Variants in UBE3C observed in about 807,000 individuals in gnomAD.
UBE3C encodes the protein ubiquitin-protein ligase E3C.
A neutral mutation model predicts 129.4 loss-of-function variants in UBE3C; 42 were observed. The ratio of observed to expected loss-of-function variants is 0.32; its 90% CI spans 0.25 to 0.42. UBE3C has a LOEUF of 0.42. Ranked by LOEUF, UBE3C falls within the 10% of genes least tolerant of loss-of-function variation. The probability of loss-of-function intolerance (pLI) is 1.00; values close to 1 mark genes in which losing one functional copy is unlikely to be tolerated. For missense variants in UBE3C, 1,049 were observed against 1,319.1 expected (o/e 0.80, Z 3.17); for synonymous variants, 510 against 492.4 (o/e 1.04, Z -0.47).
intron 1 of UBE3C, among the ~76,000 whole-genome samples, chr7:157,146,286 G>C (rs1189114651): frequency 6.6e-6 from 1 of 151,918 alleles, no homozygotes; most frequent in African/African-American, 2.4e-5. Flanking sequence ...CTGTCTCCCA[G>C]GCTGGAGTGC....
At chr7:157,265,172 G>T (rs1351929797) in intron 22 of UBE3C, among the ~76,000 whole-genome samples, 2 of 152,216 alleles carry the variant, frequency 1.3e-5, no homozygotes, top group African/African-American at 2.4e-5. Context: ...TGCTCCTGCT[G>T]CCAGGCCCAC....
chr7:157,235,611 G>A (rs895148979), intron 18 of UBE3C, among the ~76,000 whole-genome samples: 1 of 152,142 alleles, frequency 6.6e-6, no homozygotes, highest in Non-Finnish European at 1.5e-5. Flanking sequence ...GAAGATCCAG[G>A]GAAGAGAATT....
chr7:157,183,020 T>A (rs1397345609), intron 8 of UBE3C, among the ~76,000 whole-genome samples: 1 of 152,190 alleles, frequency 6.6e-6, no homozygotes, highest in African/African-American at 2.4e-5. Context: ...GTGCTGGGAT[T>A]ACAGGCTTGA....
chr7:157,265,309 A>G (rs1797046875), intron 22 of UBE3C, among the ~76,000 whole-genome samples: 1 of 152,190 alleles, frequency 6.6e-6, no homozygotes, highest in African/African-American at 2.4e-5. Context: ...TCTGTGCCTT[A>G]TTGTCTTCCT....
chr7:157,183,720 A>G (rs929425777), intron 8 of UBE3C, among the ~76,000 whole-genome samples, 158 bp from the exon 9 acceptor site: 3 of 152,246 alleles, frequency 2.0e-5, no homozygotes, highest in African/African-American at 7.2e-5. Context: ...AACGGGGACA[A>G]AATCTAAATA....
intron 8 of UBE3C, among the ~76,000 whole-genome samples, chr7:157,182,549 G>C (rs192148848): frequency 6.6e-6 from 1 of 152,158 alleles, no homozygotes; most frequent in Non-Finnish European, 1.5e-5. Flanking sequence ...AGGCCACACA[G>C]ATTATTTTAA....
At chr7:157,140,176 C>T (rs1240586734) in intron 1 of UBE3C, among the ~76,000 whole-genome samples, 1 of 152,110 alleles carries the variant, frequency 6.6e-6, no homozygotes, top group Non-Finnish European at 1.5e-5. Flanking sequence ...CTTCCCACCC[C>T]TTCCCATCAT....
intron 1 of UBE3C, among the ~76,000 whole-genome samples, chr7:157,144,404 TTGGGAGAC>T (rs1807544469): frequency 6.6e-6 from 1 of 152,048 alleles, no homozygotes; most frequent in South Asian, 2.1e-4. Flanking sequence ...TTTGTCTGTT[TTGGGAGAC>T]GGGGGAAACT....
At chr7:157,189,728 C>T (rs1396267785) in intron 10 of UBE3C, among the ~76,000 whole-genome samples, 2 of 151,164 alleles carry the variant, frequency 1.3e-5, no homozygotes, top group Admixed American at 6.7e-5. Context: ...ACTTGGGCTT[C>T]TCAGTTTCCT....
At chr7:157,266,239 G>C (rs953410037) in intron 22 of UBE3C, among the ~76,000 whole-genome samples, 5 of 152,250 alleles carry the variant, frequency 3.3e-5, no homozygotes, top group Admixed American at 2.6e-4. Context: ...GCGTGAACCC[G>C]GGAGGCGGAT....
At chr7:157,205,307 A>G (rs1206899798) in intron 11 of UBE3C, among the ~76,000 whole-genome samples, 1 of 152,098 alleles carries the variant, frequency 6.6e-6, no homozygotes, top group Non-Finnish European at 1.5e-5. Flanking sequence ...AAGAGGACAA[A>G]TAAGTTTTTG....
At chr7:157,212,763 T>C (rs1809632738) in intron 13 of UBE3C, among the ~76,000 whole-genome samples, 1 of 152,082 alleles carries the variant, frequency 6.6e-6, no homozygotes, top group South Asian at 2.1e-4. Context: ...GGTTTTTTTG[T>C]TTTTTGTTTT....
intron 18 of UBE3C, among the ~76,000 whole-genome samples, chr7:157,239,422 T>C (rs1490524437): frequency 2.0e-5 from 3 of 152,210 alleles, no homozygotes; most frequent in Non-Finnish European, 4.4e-5. Flanking sequence ...GGCAGGATCC[T>C]GATGCTCCTG....
chr7:157,150,450 TA>T (rs34275282), intron 1 of UBE3C, among the ~76,000 whole-genome samples: 4 of 151,934 alleles, frequency 2.6e-5, no homozygotes, highest in Admixed American at 2.6e-4. Flanking sequence ...TTTAGAAACG[TA>T]AAAATTTATT....
chr7:157,244,184 C>T (rs1306987145), intron 18 of UBE3C, among the ~76,000 whole-genome samples: 2 of 152,026 alleles, frequency 1.3e-5, no homozygotes, highest in East Asian at 3.9e-4. Context: ...GAGCTGAGAT[C>T]GTGCCATTCA....
At chr7:157,221,699 A>C (rs530715228) in intron 15 of UBE3C, 1 of 152,120 alleles carries the variant, frequency 6.6e-6, no homozygotes, top group Non-Finnish European at 1.5e-5. Flanking sequence ...CCAAGATCAC[A>C]CCACTGCACT....
intron 2 of UBE3C, among the ~76,000 whole-genome samples, chr7:157,164,819 T>C (rs1808169563): frequency 6.6e-6 from 1 of 152,038 alleles, no homozygotes; most frequent in African/African-American, 2.4e-5. Flanking sequence ...GCTGAGGTGG[T>C]GACAAAACCT....
At chr7:157,241,789 C>T (rs1431402698) in intron 18 of UBE3C, among the ~76,000 whole-genome samples, 1 of 152,152 alleles carries the variant, frequency 6.6e-6, no homozygotes, top group Non-Finnish European at 1.5e-5. Flanking sequence ...AACGGGTAAA[C>T]AGAATACGGT....
At chr7:157,192,076 A>G (rs548334114) in intron 10 of UBE3C, among the ~76,000 whole-genome samples, 1 of 152,266 alleles carries the variant, frequency 6.6e-6, no homozygotes, top group Non-Finnish European at 1.5e-5. Context: ...TATCTAGATT[A>G]TAAACTAATT....
Sources: gnomAD v4.1 joint callset for allele counts (sites outside exome capture counted in the v4.1 genomes callset) on GRCh38, gnomAD v4.1.1 for gene constraint, MANE v1.5 for transcripts, NCBI Gene and HGNC (gene_info 2026-07-23, HGNC 2026-07-21) for gene names.